The following ADGRB3 variants were observed in gnomAD, a reference collection of about 807,000 sequenced individuals.
The protein encoded by ADGRB3 is adhesion G protein-coupled receptor B3.
ADGRB3 carries 37 observed loss-of-function variants against 193.4 expected under a neutral mutation model. The observed-to-expected ratio is 0.19, with a 90% CI of 0.15 to 0.25. The LOEUF (loss-of-function observed/expected upper bound fraction) is 0.25, where lower values mean the gene tolerates loss of function less well. ADGRB3 is among the 10% of genes least tolerant of loss of function. ADGRB3 has a pLI of 1.00. For synonymous variants in ADGRB3, 690 were observed against 644.2 expected (o/e 1.07, Z -1.08); for missense variants, 1,637 against 1,852.9 (o/e 0.88, Z 2.14).
chr6:68,857,349 G>A (rs483833), intron 3 of ADGRB3, among the ~76,000 whole-genome samples: 132,994 of 152,188 alleles, frequency 0.87, 58,375 homozygotes, highest in Middle Eastern at 0.95. Context: ...CAACCCATGA[G>A]AGCAGCTGGG....
intron 30 of ADGRB3, among the ~76,000 whole-genome samples, chr6:69,375,797 G>T (rs967151708): frequency 6.6e-6 from 1 of 151,932 alleles, no homozygotes; most frequent in Non-Finnish European, 1.5e-5. Flanking sequence ...ACAAAAATTA[G>T]CTGGGCATGG....
intron 3 of ADGRB3, among the ~76,000 whole-genome samples, chr6:68,669,430 T>G (rs1430432766): frequency 6.6e-6 from 1 of 151,812 alleles, no homozygotes; most frequent in Non-Finnish European, 1.5e-5. Context: ...ATCCTTTTAC[T>G]CTCTATGTCC....
chr6:68,775,104 C>T (rs966465303), intron 3 of ADGRB3, among the ~76,000 whole-genome samples: 1 of 145,310 alleles, frequency 6.9e-6, no homozygotes, highest in Non-Finnish European at 1.5e-5. Context: ...TAAATAAGTT[C>T]CATCAAACCC....
At chr6:68,864,466 A>T (rs1765237397) in intron 3 of ADGRB3, among the ~76,000 whole-genome samples, 1 of 152,106 alleles carries the variant, frequency 6.6e-6, no homozygotes, top group African/African-American at 2.4e-5. Flanking sequence ...GAAGAAGTGT[A>T]GTTTTTCTGC....
chr6:69,287,011 A>T (rs188965694), intron 20 of ADGRB3, among the ~76,000 whole-genome samples: 14 of 152,328 alleles, frequency 9.2e-5, no homozygotes, highest in African/African-American at 3.4e-4. Flanking sequence ...GAACCATTTC[A>T]TATGAACAGC....
chr6:69,138,105 G>A (rs1561931101), intron 17 of ADGRB3, among the ~76,000 whole-genome samples: 1 of 152,172 alleles, frequency 6.6e-6, no homozygotes, highest in African/African-American at 2.4e-5. Context: ...ACATTCTGTT[G>A]TTAAAACTGT....
chr6:68,789,163 T>G (rs1767044626), intron 3 of ADGRB3, among the ~76,000 whole-genome samples: 1 of 152,076 alleles, frequency 6.6e-6, no homozygotes, highest in East Asian at 1.9e-4. Flanking sequence ...CATTTAAAGT[T>G]AATATTGTTA....
intron 3 of ADGRB3, among the ~76,000 whole-genome samples, chr6:68,923,558 T>C (rs1016626050): frequency 6.6e-6 from 1 of 152,138 alleles, no homozygotes; most frequent in African/African-American, 2.4e-5. Context: ...AGTAGTACTA[T>C]AAAATAATGT....
intron 17 of ADGRB3, chr6:69,232,613 T>C: frequency 1.3e-6 from 2 of 1,535,516 alleles, no homozygotes; most frequent in Non-Finnish European, 1.7e-6. Context: ...GAGTGAAGTG[T>C]GGAGTAGGAA....
intron 8 of ADGRB3, among the ~76,000 whole-genome samples, chr6:68,973,803 G>A (rs116027997): frequency 6.6e-6 from 1 of 152,288 alleles, no homozygotes; most frequent in African/African-American, 2.4e-5. Context: ...AACAGTGTGT[G>A]TGTCTAGAGA....
chr6:69,236,318 T>G (rs1766266287), intron 19 of ADGRB3, among the ~76,000 whole-genome samples: 1 of 151,950 alleles, frequency 6.6e-6, no homozygotes, highest in Non-Finnish European at 1.5e-5. Context: ...AAATCCTTCC[T>G]TCCGGTGAAG....
chr6:68,897,012 C>T lies in ADGRB3; in HGVS notation c.758-33547C>T, dbSNP rs1354739369. Among the ~76,000 whole-genome samples the T allele has an allele frequency of 2.0e-5, 3 of 152,262 alleles. No individual in the cohort carries two copies. The East Asian group carries it at 5.8e-4, about 29-fold the overall frequency. On this transcript the variant is annotated intron_variant, in intron 3 of 31. Transcript: ENST00000370598. The stretch of plus-strand genomic sequence containing the variant: ...TGGGGGTTACAAGATCAATCTTAGA[C>T]TTCAATCTCAGTCCTATTGTAGTCA...
rs1766192035 is a variant in ADGRB3 at position 69,233,326 on chromosome 6, T to C, written c.2517T>C (p.Cys839=). 6.2e-7 allele frequency: 1 copy of C among 1,614,078 alleles called. No homozygotes were observed. Among genetic ancestry groups the C allele is most frequent in the Non-Finnish European group, 8.5e-7 (1 of 1,179,990 alleles). Residue 839 remains cysteine (C), a synonymous_variant, in exon 18 of 32, where the codon TGT becomes TGC. Transcript: ENST00000370598. ...ESLGTWSTQG[C]KTVLTDASHT... ...TGGGAACGTGGTCCACCCAGGGATG[T>C]AAAACTGTGCTTACCGATGCATCCC... is the stretch of plus-strand genomic sequence containing the variant.
At chr6:68,815,238 A>G (rs915604440) in intron 3 of ADGRB3, among the ~76,000 whole-genome samples, 1 of 152,178 alleles carries the variant, frequency 6.6e-6, no homozygotes, top group African/African-American at 2.4e-5. Context: ...GGGAGTTTAA[A>G]TAAGAATTTA....
chr6:69,025,472 A>G (rs1009886105), intron 13 of ADGRB3, among the ~76,000 whole-genome samples: 1 of 151,600 alleles, frequency 6.6e-6, no homozygotes, highest in African/African-American at 2.4e-5. Context: ...TTCATTAAAA[A>G]TGAGACACTT....
At chr6:68,934,742 A>T (rs1195659215) in intron 4 of ADGRB3, among the ~76,000 whole-genome samples, 2 of 152,166 alleles carry the variant, frequency 1.3e-5, no homozygotes, top group Non-Finnish European at 2.9e-5. Flanking sequence ...TTTAACTATT[A>T]TCCTTCTATT....
chr6:68,986,929 A>G (rs1262944509), intron 10 of ADGRB3, among the ~76,000 whole-genome samples: 1 of 152,180 alleles, frequency 6.6e-6, no homozygotes, highest in Non-Finnish European at 1.5e-5. Flanking sequence ...AGGTTATTTC[A>G]GAAACACACC....
chr6:69,107,212 C>CT, intron 17 of ADGRB3, among the ~76,000 whole-genome samples: 1 of 152,090 alleles, frequency 6.6e-6, no homozygotes, highest in East Asian at 1.9e-4. Flanking sequence ...ATTAATTAGC[C>CT]TTTTTTAAAT....
chr6:69,327,721 A>G (rs2127311247), intron 21 of ADGRB3, 99 bp from the exon 22 acceptor site: 1 of 858,710 alleles, frequency 1.2e-6, no homozygotes. Context: ...AAGATAGTTT[A>G]TCTAATTTGA....
Sources: gnomAD v4.1 joint callset for allele counts (sites outside exome capture counted in the v4.1 genomes callset) on GRCh38, gnomAD v4.1.1 for gene constraint, MANE v1.5 for transcripts, NCBI Gene and HGNC (gene_info 2026-07-23, HGNC 2026-07-21) for gene names.